BHLHE40: variants seen among roughly 807,000 people sequenced by gnomAD.
The protein encoded by BHLHE40 is class E basic helix-loop-helix protein 40.
A neutral mutation model predicts 35.7 loss-of-function variants in BHLHE40; 3 were observed. The ratio of observed to expected loss-of-function variants is 0.08; its 90% CI spans 0.04 to 0.22. The LOEUF (loss-of-function observed/expected upper bound fraction) is 0.22, where lower values mean the gene tolerates loss of function less well. Among genes scored for constraint, BHLHE40 ranks in the 10% least tolerant of loss-of-function variants. The pLI is 1.00. For synonymous variants in BHLHE40, 236 were observed against 213.0 expected (o/e 1.11, Z -0.94); for missense variants, 486 against 524.0 (o/e 0.93, Z 0.71).
At chr3:4,981,753 A>G in intron 4 of BHLHE40, 1 of 442,600 alleles carries the variant, frequency 2.3e-6, no homozygotes, top group Non-Finnish European at 3.9e-6. Flanking sequence ...TTTTAGCTTG[A>G]GAGTCTCTGG....
At position 4,984,306 on chromosome 3, in the gene BHLHE40, C is replaced by A. The variant is rs2053228387; in HGVS notation, c.*614C>A. The A allele has an allele frequency of 6.6e-6, 1 of 152,234 alleles. No individual in the cohort carries two copies. Among genetic ancestry groups the A allele is most frequent in the African/African-American group, 2.4e-5 (1 of 41,368 alleles). The allele number at this position is 152,234 out of a possible 1,614,324, so 9.4% of individuals were successfully genotyped here. A position where few individuals can be genotyped will look rare whatever the true frequency, so the allele number is the denominator to read the frequency against. On this transcript the variant is annotated 3_prime_UTR_variant, in exon 5 of 5. Transcript: ENST00000256495. ...TGGGGAGGTTTCCGCAGGTCTGCTCCCCACCCCTGCCTCGGAAGAATAAAG... is the reference window on the plus strand; with the variant it reads ...TGGGGAGGTTTCCGCAGGTCTGCTCACCACCCCTGCCTCGGAAGAATAAAG...
intron 4 of BHLHE40, 52 bp downstream of exon 4, chr3:4,981,567 G>A (rs756829651): frequency 2.2e-5 from 35 of 1,593,990 alleles, no homozygotes; most frequent in Admixed American, 2.0e-4. Context: ...TGCAAATAGA[G>A]AGCCCGTGGG....
intron 3 of BHLHE40, among the ~76,000 whole-genome samples, chr3:4,981,024 TTA>T (rs1223260337): frequency 6.6e-6 from 1 of 152,040 alleles, no homozygotes; most frequent in African/African-American, 2.4e-5. Context: ...CAGGAAAATG[TTA>T]TCTCTGGATT....
In BHLHE40 at chr3:4,983,546, T is replaced by G. The variant is rs757093454; in HGVS notation, c.1093T>G (p.Phe365Val). 1.5e-5 allele frequency: 24 copies of G among 1,614,118 alleles called. No individual in the cohort carries two copies. The highest frequency in any genetic ancestry group is 1.9e-5 in the Non-Finnish European group (23 of 1,180,022). The part of the protein sequence containing the change: ...LNASAAALSS[F>V]MNPDKISAPL... ...CGCCTCTGCCGCAGCCCTCTCTAGC[T>G]TCATGAACCCAGACAAGATCTCGGC... Residue 365 changes from phenylalanine (F) to valine (V), a missense_variant, in exon 5 of 5, where the codon TTC becomes GTC. Coordinates refer to ENST00000256495, the MANE Select transcript of BHLHE40 (RefSeq NM_003670.3). This position sits in a 1 kb window ranked among gnomAD's most constrained non-coding sequence, Gnocchi z 5.0.
At chr3:4,980,628 C>T (rs1489665794) in intron 3 of BHLHE40, among the ~76,000 whole-genome samples, 2 of 152,220 alleles carry the variant, frequency 1.3e-5, no homozygotes, top group South Asian at 2.1e-4. Flanking sequence ...TTGGCTCCAA[C>T]ACCAACTGGC....
In BHLHE40 at chr3:4,979,733, C is replaced by T; in HGVS notation, c.15C>T (p.Pro5=). The part of the protein sequence containing the change: MERI[P]SAQPPPACLP... The stretch of plus-strand genomic sequence containing the variant: ...CTCGCCGCGCCATGGAGCGGATCCC[C>T]AGCGCGCAACCACCCCCCGCCTGCC... The change falls in exon 1 of 5, where the codon CCC becomes CCT. Residue 5 remains proline, a synonymous_variant. Coordinates refer to ENST00000256495, the MANE Select transcript of BHLHE40 (RefSeq NM_003670.3). The T allele has an allele frequency of 1.9e-6, 3 of 1,567,718 alleles. No individual in the cohort carries two copies. The highest frequency in any genetic ancestry group is 2.6e-6 in the Non-Finnish European group (3 of 1,156,442).
Position 4,984,327 on chromosome 3 carries a change from T to A in BHLHE40, c.*635T>A, listed in dbSNP as rs965840279. The A allele has an allele frequency of 6.6e-6, 1 of 152,074 alleles. No homozygotes were observed. The highest frequency in any genetic ancestry group is 1.5e-5 in the Non-Finnish European group (1 of 68,106). The allele number at this position is 152,074 out of a possible 1,614,324, so 9.4% of individuals were successfully genotyped here. A position where few individuals can be genotyped will look rare whatever the true frequency, so the allele number is the denominator to read the frequency against. On this transcript the variant is annotated 3_prime_UTR_variant, in exon 5 of 5. Transcript: ENST00000256495. ...GCTCCCCACCCCTGCCTCGGAAGAA[T>A]AAAGAGAATGTAGTTCCCTACTCAG...
rs1003760238 is a variant in BHLHE40, at chr3:4,980,838, C to A, written c.258+430C>A. 4.7e-4 allele frequency among the ~76,000 whole-genome samples: 72 copies of A among 151,624 alleles called. 4 individuals are homozygous for A. Among genetic ancestry groups the A allele is most frequent in the Non-Finnish European group, 7.4e-5 (5 of 67,962 alleles). On this transcript the variant is annotated intron_variant, in intron 3 of 4. Coordinates refer to ENST00000256495, the MANE Select transcript of BHLHE40 (RefSeq NM_003670.3). Reference sequence around the variant, plus strand: ...ACGGCCTGTCCTTTCTTGACAGTAGCCCTCGGCTACTTCGCAGCCTTTGGT... The same window carrying A: ...ACGGCCTGTCCTTTCTTGACAGTAGACCTCGGCTACTTCGCAGCCTTTGGT...
intron 1 of BHLHE40, 25 bp from the exon 2 acceptor site, chr3:4,979,937 C>A (rs1230938587): frequency 6.2e-7 from 1 of 1,613,354 alleles, no homozygotes; most frequent in Non-Finnish European, 8.5e-7. Flanking sequence ...GCAGTCACGA[C>A]CCTTCCTGGT....
intron 4 of BHLHE40, among the ~76,000 whole-genome samples, chr3:4,982,635 T>C (rs1048928410): frequency 6.6e-6 from 1 of 152,246 alleles, no homozygotes; most frequent in Admixed American, 6.5e-5. Context: ...TATCTGAGTG[T>C]TAGTATATGG....
chr3:4,979,536 T>C lies in BHLHE40; in HGVS notation c.-183T>C. The C allele has an allele frequency of 1.5e-6, 1 of 651,078 alleles. No homozygotes were observed. Among genetic ancestry groups the C allele is most frequent in the East Asian group, 2.7e-5 (1 of 36,438 alleles). 40.3% of individuals were successfully genotyped at this position (651,078 alleles called of 1,614,324 possible). A position where few individuals can be genotyped will look rare whatever the true frequency, so the allele number is the denominator to read the frequency against. ...CAGAGGCCGCGGGGACACCGGGCCA[T>C]GCACGCCCCCAACTGAAGCTGCATC... On this transcript the variant is annotated 5_prime_UTR_variant, in exon 1 of 5. It removes an upstream start codon present in the reference 5' UTR. Coordinates refer to ENST00000256495, the MANE Select transcript of BHLHE40 (RefSeq NM_003670.3).
At chr3:4,980,756 C>T (rs1331516211) in intron 3 of BHLHE40, among the ~76,000 whole-genome samples, 1 of 152,154 alleles carries the variant, frequency 6.6e-6, no homozygotes, top group South Asian at 2.1e-4. Flanking sequence ...TACCACTCCC[C>T]CCACCTTTTT....
Position 4,983,864 on chromosome 3 carries a change from G to A in BHLHE40, c.*172G>A. On this transcript the variant is annotated 3_prime_UTR_variant, in exon 5 of 5. Coordinates refer to ENST00000256495, the MANE Select transcript of BHLHE40 (RefSeq NM_003670.3). This position sits in a 1 kb window ranked among gnomAD's most constrained non-coding sequence, Gnocchi z 5.0. ...TGTGTGTGTGTGTGTGTATGTGCGT[G>A]TGCGTGCACATGTGTGCCTGCGTGT... The A allele has an allele frequency of 1.1e-6, 1 of 872,074 alleles. No homozygotes were observed. The highest frequency in any genetic ancestry group is 1.8e-5 in the South Asian group (1 of 55,172). The allele number at this position is 872,074 out of a possible 1,614,324, so 54.0% of individuals were successfully genotyped here.
Position 4,982,832 on chromosome 3 carries a change from C to T in BHLHE40, c.383-4C>T. On this transcript the variant is annotated splice_polypyrimidine_tract_variant and splice_region_variant and intron_variant, in intron 4 of 4. Transcript: ENST00000256495. Reference sequence around the variant, plus strand: ...CGTTTTCCTTCGGATTTTTCTTTCCCCAGGTGAGCTGTCAGGGAGAAATGT... The same window carrying T: ...CGTTTTCCTTCGGATTTTTCTTTCCTCAGGTGAGCTGTCAGGGAGAAATGT... 6.2e-7 allele frequency: 1 copy of T among 1,613,856 alleles called. No homozygotes were observed. The highest frequency in any genetic ancestry group is 1.7e-5 in the Admixed American group (1 of 59,998).
rs56076357 is a variant in BHLHE40 at position 4,983,829 on chromosome 3, G to GGTGTGTGT, written c.*156_*163dup. ...TCTGAGGCATGGAGAGCAGATTCAGGGTGTGTGTGTGTGTGTGTGTGTGTG... is the reference window on the plus strand; with the variant it reads ...TCTGAGGCATGGAGAGCAGATTCAGGGTGTGTGTGTGTGTGTGTGTGTGTGTGTGTGTG... On this transcript the variant is annotated 3_prime_UTR_variant, in exon 5 of 5. Transcript: ENST00000256495. The surrounding 1 kb of genome is among the most constrained non-coding windows in gnomAD (Gnocchi z 5.0). The GGTGTGTGT allele has an allele frequency of 0.013, 8,959 of 696,528 alleles. 47 individuals carry two copies. The highest frequency in any genetic ancestry group is 0.03 in the African/African-American group (1,657 of 55,140). The allele number at this position is 696,528 out of a possible 1,614,324, so 43.1% of individuals were successfully genotyped here.
rs1228348115 is a variant in BHLHE40 at position 4,985,271 on chromosome 3, A to G, written c.*1579A>G. ...TTTCTTGGCTGAAGCAAACCAGTTA[A>G]TCTCAGTGTAATTTCATTCAGCTTT... is the stretch of plus-strand genomic sequence containing the variant. On this transcript the variant is annotated 3_prime_UTR_variant, in exon 5 of 5. Transcript: ENST00000256495. 1.3e-5 allele frequency: 2 copies of G among 152,268 alleles called. No homozygotes were observed. The highest frequency in any genetic ancestry group is 2.4e-5 in the African/African-American group (1 of 41,420). The allele number at this position is 152,268 out of a possible 1,614,324, so 9.4% of individuals were successfully genotyped here.
At chr3:4,981,217 C>T (rs973743317) in intron 3 of BHLHE40, among the ~76,000 whole-genome samples, 175 bp from the exon 4 acceptor site, 6 of 129,332 alleles carry the variant, frequency 4.6e-5, no homozygotes, top group African/African-American at 8.8e-5. Flanking sequence ...CACACACACA[C>T]ATATATGAGT....
chr3:4,982,796 G>A (rs758068591), intron 4 of BHLHE40, 40 bp from the exon 5 acceptor site: 1 of 1,612,226 alleles, frequency 6.2e-7, no homozygotes, highest in Admixed American at 1.7e-5. Context: ...TGCGCCACAG[G>A]CCTTCTGAAA....
At position 4,984,347 on chromosome 3, in the gene BHLHE40, A is replaced by T. The variant is rs1026216577; in HGVS notation, c.*655A>T. The T allele has an allele frequency of 2.6e-5, 4 of 152,202 alleles. No individual in the cohort carries two copies. Among genetic ancestry groups the T allele is most frequent in the African/African-American group, 7.2e-5 (3 of 41,384 alleles). 9.4% of individuals were successfully genotyped at this position (152,202 alleles called of 1,614,324 possible). On this transcript the variant is annotated 3_prime_UTR_variant, in exon 5 of 5. Transcript: ENST00000256495. ...AAGAATAAAGAGAATGTAGTTCCCT[A>T]CTCAGGCTTTCGTAGTGATTAGCTT...
Sources: gnomAD v4.1 joint callset for allele counts (sites outside exome capture counted in the v4.1 genomes callset) on GRCh38, gnomAD v4.1.1 for gene constraint, Gnocchi (gnomAD v3.1) non-coding constraint, MANE v1.5 for transcripts, NCBI Gene and HGNC (gene_info 2026-07-23, HGNC 2026-07-21) for gene names.